Variants in PIP4P2 observed in about 807,000 individuals in gnomAD.
The protein encoded by PIP4P2 is phosphatidylinositol-4,5-bisphosphate 4-phosphatase 2.
A neutral mutation model predicts 33.3 loss-of-function variants in PIP4P2; 19 were observed. The ratio of observed to expected loss-of-function variants is 0.57; its 90% CI spans 0.40 to 0.84. PIP4P2 has a LOEUF of 0.84. PIP4P2 is among the 40% of genes least tolerant of loss of function. The pLI is 0.00. For synonymous variants in PIP4P2, 110 were observed against 111.9 expected (o/e 0.98, Z 0.11); for missense variants, 270 against 324.7 (o/e 0.83, Z 1.29).
At chr8:91,029,883 C>T (rs1031824380) in intron 1 of PIP4P2, among the ~76,000 whole-genome samples, 1 of 152,112 alleles carries the variant, frequency 6.6e-6, no homozygotes, top group Admixed American at 6.5e-5. Context: ...AGGAGAATGG[C>T]GTGAACCTGG....
chr8:91,020,909 A>G (rs1811999417), intron 2 of PIP4P2, among the ~76,000 whole-genome samples: 1 of 152,232 alleles, frequency 6.6e-6, no homozygotes, highest in Admixed American at 6.5e-5. Context: ...AATGAAGTTT[A>G]GTACACAATA....
At chr8:91,000,208 A>G (rs1450658143) in intron 5 of PIP4P2, among the ~76,000 whole-genome samples, 1 of 151,954 alleles carries the variant, frequency 6.6e-6, no homozygotes, top group East Asian at 1.9e-4. Context: ...GTTTTCCAAT[A>G]TTTCAGTTTT....
chr8:91,026,126 G>A (rs1234443340), intron 1 of PIP4P2, among the ~76,000 whole-genome samples: 7 of 152,106 alleles, frequency 4.6e-5, no homozygotes, highest in Admixed American at 1.3e-4. Flanking sequence ...TTTGTCAGCC[G>A]GCTCCAGGAT....
At chr8:91,004,672 C>G (rs771714994) in intron 5 of PIP4P2, among the ~76,000 whole-genome samples, 20 of 152,036 alleles carry the variant, frequency 1.3e-4, no homozygotes, top group Non-Finnish European at 2.2e-4. Context: ...GTGCAATAAT[C>G]AAATGAAGGT....
chr8:91,026,051 TTCC>T (rs1812079587), intron 1 of PIP4P2, among the ~76,000 whole-genome samples: 1 of 152,182 alleles, frequency 6.6e-6, no homozygotes, highest in Non-Finnish European at 1.5e-5. Context: ...TGACCCTCAG[TTCC>T]AAATCCACCT....
At chr8:91,011,765 GT>G (rs1811840574) in intron 4 of PIP4P2, among the ~76,000 whole-genome samples, 1 of 151,900 alleles carries the variant, frequency 6.6e-6, no homozygotes, top group African/African-American at 2.4e-5. Context: ...TATGAATAGT[GT>G]AAATATTGTG....
At chr8:91,023,931 C>T (rs779796700) in intron 1 of PIP4P2, among the ~76,000 whole-genome samples, 12 of 151,690 alleles carry the variant, frequency 7.9e-5, no homozygotes, top group Non-Finnish European at 1.6e-4. Flanking sequence ...TAGCAAAAAC[C>T]GCAATTACTT....
In PIP4P2 at chr8:91,040,755, C is replaced by T. The variant is rs1290567969; in HGVS notation, c.-6G>A. On this transcript the variant is annotated 5_prime_UTR_variant, in exon 1 of 7. Transcript: ENST00000285419. ...TCCACCCCATCAGCAGCCATGACTG[C>T]GGCAGCGGCGGGGCCTGGGGAGGCC... 1 of 1,611,188 alleles carries T rather than the reference C, an allele frequency of 6.2e-7. No homozygotes were observed. The highest frequency in any genetic ancestry group is 8.5e-7 in the Non-Finnish European group (1 of 1,179,782).
rs755616574 is a variant in PIP4P2, at chr8:90,995,656, A to T, written c.*21T>A. The T allele has an allele frequency of 6.2e-7, 1 of 1,603,622 alleles. No individual in the cohort carries two copies. Among genetic ancestry groups the T allele is most frequent in the Non-Finnish European group, 8.5e-7 (1 of 1,176,584 alleles). Reference sequence around the variant, plus strand: ...AGAACTGCTAGACACTCTCACCTGCATTACTGAATCATAAACAAGCTTATG... The same window carrying T: ...AGAACTGCTAGACACTCTCACCTGCTTTACTGAATCATAAACAAGCTTATG... On this transcript the variant is annotated 3_prime_UTR_variant, in exon 7 of 7. Coordinates refer to ENST00000285419, the MANE Select transcript of PIP4P2 (RefSeq NM_018710.3).
chr8:91,004,020 A>G (rs1007853203), intron 5 of PIP4P2, among the ~76,000 whole-genome samples: 6 of 149,874 alleles, frequency 4.0e-5, no homozygotes, highest in Admixed American at 1.3e-4. Context: ...GATGAAATAG[A>G]TAAGAGGCAA....
chr8:91,030,131 A>G (rs964823889), intron 1 of PIP4P2, among the ~76,000 whole-genome samples: 5 of 151,378 alleles, frequency 3.3e-5, no homozygotes, highest in African/African-American at 1.2e-4. Context: ...TCCCTTTCCT[A>G]CTCATCTACC....
intron 4 of PIP4P2, among the ~76,000 whole-genome samples, chr8:91,017,858 A>G (rs966560061): frequency 2.0e-5 from 3 of 152,232 alleles, no homozygotes; most frequent in Non-Finnish European, 1.5e-5. Flanking sequence ...AAAAACTTTT[A>G]TAACTTTTGC....
chr8:91,036,649 C>T (rs1460380428), intron 1 of PIP4P2, among the ~76,000 whole-genome samples: 1 of 152,202 alleles, frequency 6.6e-6, no homozygotes. Flanking sequence ...TTCTTGTCTA[C>T]TCTAGCCAAT....
In PIP4P2 at chr8:91,018,456, C is replaced by A; in HGVS notation, c.420G>T (p.Gln140His). The A allele has an allele frequency of 6.2e-7, 1 of 1,614,000 alleles. No individual in the cohort carries two copies. The highest frequency in any genetic ancestry group is 1.1e-5 in the South Asian group (1 of 91,084). Reference protein sequence around the residue: ...VMLISEEQPAQPALPIQPEGT... With the variant: ...VMLISEEQPAHPALPIQPEGT... ...CTTCTGGTTGGATTGGCAATGCAGG[C>A]TGAGCTGGTTGTTCTTCAGAAATAA... Residue 140 changes from glutamine (Q) to histidine (H), a missense_variant, in exon 4 of 7, where the codon CAG becomes CAT. By Grantham distance (24) the Gln-to-His change is conservative (BLOSUM62 0). Coordinates refer to ENST00000285419, the MANE Select transcript of PIP4P2 (RefSeq NM_018710.3).
intron 5 of PIP4P2, among the ~76,000 whole-genome samples, chr8:91,004,424 C>T (rs1811741991): frequency 6.6e-6 from 1 of 152,124 alleles, no homozygotes; most frequent in African/African-American, 2.4e-5. Context: ...CACCCTCTCA[C>T]ACATATCCAG....
intron 1 of PIP4P2, among the ~76,000 whole-genome samples, chr8:91,032,444 T>C (rs1423178877): frequency 6.6e-6 from 1 of 152,110 alleles, no homozygotes; most frequent in East Asian, 1.9e-4. Flanking sequence ...GGAGCTACTA[T>C]GGAATGCCAT....
rs910383693 is a variant in PIP4P2 at position 91,021,206 on chromosome 8, A to G, written c.255+50T>C. The G allele has an allele frequency of 2.5e-6, 4 of 1,600,964 alleles. No individual in the cohort carries two copies. The East Asian group carries it at 8.9e-5, about 36-fold the overall frequency. On this transcript the variant is annotated intron_variant, in intron 2 of 6. Coordinates refer to ENST00000285419, the MANE Select transcript of PIP4P2 (RefSeq NM_018710.3). ...TTATTGAAGTACTTCCTTTAGGAATAAAATGTCAAATAACAATTTATATTT... is the reference window on the plus strand; with the variant it reads ...TTATTGAAGTACTTCCTTTAGGAATGAAATGTCAAATAACAATTTATATTT...
chr8:91,019,472 G>C (rs972829448), intron 3 of PIP4P2, among the ~76,000 whole-genome samples: 8 of 149,464 alleles, frequency 5.4e-5, no homozygotes, highest in African/African-American at 2.0e-4. Context: ...CAGCTACTCA[G>C]GAGGAGGCTA....
intron 1 of PIP4P2, among the ~76,000 whole-genome samples, chr8:91,031,811 A>C (rs1812167853): frequency 1.3e-5 from 2 of 152,232 alleles, no homozygotes; most frequent in Non-Finnish European, 2.9e-5. Context: ...CATTGGAAGT[A>C]AAAGAGTGAG....
Sources: gnomAD v4.1 joint callset for allele counts (sites outside exome capture counted in the v4.1 genomes callset) on GRCh38, gnomAD v4.1.1 for gene constraint, MANE v1.5 for transcripts, NCBI Gene and HGNC (gene_info 2026-07-23, HGNC 2026-07-21) for gene names.